Variants in RPTOR observed in about 807,000 individuals in gnomAD.
RPTOR encodes the protein regulatory associated protein of MTOR complex 1.
A neutral mutation model predicts 169.9 loss-of-function variants in RPTOR; 21 were observed. The observed-to-expected ratio is 0.12, with a 90% CI of 0.09 to 0.18. RPTOR has a LOEUF of 0.18. Among genes scored for constraint, RPTOR ranks in the 10% least tolerant of loss-of-function variants. The pLI, the probability that RPTOR is intolerant of heterozygous loss-of-function variation, is 1.00. For missense variants in RPTOR, 1,133 were observed against 1,855.9 expected (o/e 0.61, Z 7.16); for synonymous variants, 732 against 753.2 (o/e 0.97, Z 0.46).
intron 25 of RPTOR, among the ~76,000 whole-genome samples, chr17:80,945,111 C>T (rs570126016): frequency 1.3e-5 from 2 of 151,272 alleles, no homozygotes; most frequent in East Asian, 3.9e-4. Flanking sequence ...CCGGGCAACA[C>T]AGTAAGACCC....
chr17:80,647,254 T>C (rs1330893654), intron 3 of RPTOR, among the ~76,000 whole-genome samples: 1 of 152,238 alleles, frequency 6.6e-6, no homozygotes, highest in Non-Finnish European at 1.5e-5. Context: ...AAATTTGTGT[T>C]CTGCCAGAGA....
intron 5 of RPTOR, among the ~76,000 whole-genome samples, chr17:80,749,841 T>C (rs1289351722): frequency 1.3e-5 from 2 of 151,040 alleles, no homozygotes; most frequent in Non-Finnish European, 3.0e-5. Context: ...GCCTCCTGAG[T>C]AGCTGGGACT....
At chr17:80,744,945 ACTAGCAGAGCCCTGGCTT>A (rs1388258510) in intron 5 of RPTOR, among the ~76,000 whole-genome samples, 4,247 of 149,856 alleles carry the variant, frequency 0.028, 404 homozygotes, top group African/African-American at 0.098. Context: ...AGCCCTGGTT[ACTAGCAGAGCCCTGGCTT>A]CTAGCAGAGC....
intron 3 of RPTOR, among the ~76,000 whole-genome samples, chr17:80,685,144 A>G (rs559958432): frequency 1.3e-4 from 20 of 151,914 alleles, no homozygotes; most frequent in African/African-American, 4.6e-4. Flanking sequence ...CCTCATTCGG[A>G]GTCGCCCCTC....
intron 3 of RPTOR, among the ~76,000 whole-genome samples, chr17:80,685,614 TATATATATATATA>T (rs1341736350): frequency 4.6e-5 from 1 of 21,566 alleles, no homozygotes; most frequent in Admixed American, 4.6e-4. Context: ...TATATATATA[TATATATATATATA>T]TTTTTTTTTT....
Position 80,692,140 on chromosome 17 carries a change from C to T in RPTOR, c.349-15701C>T, listed in dbSNP as rs551241434. On this transcript the variant is annotated intron_variant, in intron 3 of 33. Transcript: ENST00000306801. ...TTTATTTATTTATTTTTGAGACAGGCTCTCACTGTGGCCCAGGCTGGAGTA... is the reference window on the plus strand; with the variant it reads ...TTTATTTATTTATTTTTGAGACAGGTTCTCACTGTGGCCCAGGCTGGAGTA... Among the ~76,000 whole-genome samples, 166 of 152,286 alleles carry T rather than the reference C, an allele frequency of 1.1e-3. 1 individual carries two copies. The highest frequency in any genetic ancestry group is 2.0e-3 in the Non-Finnish European group (133 of 68,022).
intron 21 of RPTOR, among the ~76,000 whole-genome samples, chr17:80,921,409 G>A (rs1458463169): frequency 6.6e-6 from 1 of 152,136 alleles, no homozygotes. Context: ...AACCCAGCGG[G>A]ACCCGCATTC....
chr17:80,749,614 C>T (rs1380408813), intron 5 of RPTOR, among the ~76,000 whole-genome samples: 14 of 152,126 alleles, frequency 9.2e-5, no homozygotes, highest in Non-Finnish European at 1.8e-4. Flanking sequence ...TGTTTGGAGG[C>T]TGTGGCGGGA....
intron 7 of RPTOR, among the ~76,000 whole-genome samples, chr17:80,813,550 C>G (rs2067294113): frequency 6.6e-6 from 1 of 152,196 alleles, no homozygotes; most frequent in Admixed American, 6.5e-5. Context: ...CTCCAGCCCC[C>G]ACTGTGGAGA....
chr17:80,709,631 G>A (rs1284617925), intron 4 of RPTOR, among the ~76,000 whole-genome samples: 2 of 152,158 alleles, frequency 1.3e-5, no homozygotes, highest in African/African-American at 4.8e-5. Flanking sequence ...CATTGGGCTG[G>A]TTCCCATCTT....
chr17:80,687,675 T>G (rs35459747), intron 3 of RPTOR, among the ~76,000 whole-genome samples: 1 of 152,038 alleles, frequency 6.6e-6, no homozygotes, highest in Admixed American at 6.5e-5. Context: ...ACGGAATGGT[T>G]GTCATCGGCT....
At chr17:80,920,695 G>A (rs1598401690) in intron 21 of RPTOR, among the ~76,000 whole-genome samples, 1 of 152,234 alleles carries the variant, frequency 6.6e-6, no homozygotes, top group African/African-American at 2.4e-5. Context: ...GCCCAGCAGC[G>A]CCTGAGCCTT....
intron 3 of RPTOR, among the ~76,000 whole-genome samples, chr17:80,662,551 A>G (rs566940362): frequency 6.6e-6 from 1 of 152,200 alleles, no homozygotes; most frequent in Admixed American, 6.5e-5. Flanking sequence ...GTGGGGCCAC[A>G]GGATGGGTCC....
At chr17:80,620,243 C>T (rs1486452008) in intron 1 of RPTOR, among the ~76,000 whole-genome samples, 2 of 152,242 alleles carry the variant, frequency 1.3e-5, no homozygotes, top group South Asian at 2.1e-4. Context: ...GGGGATATAA[C>T]GATGTCATCT....
At chr17:80,901,396 G>A (rs1435042591) in intron 20 of RPTOR, among the ~76,000 whole-genome samples, 1 of 151,732 alleles carries the variant, frequency 6.6e-6, no homozygotes, top group African/African-American at 2.4e-5. Context: ...TTTTTTACTG[G>A]AGAAAACTGA....
At chr17:80,598,809 C>T (rs769486267) in intron 1 of RPTOR, among the ~76,000 whole-genome samples, 31 of 152,208 alleles carry the variant, frequency 2.0e-4, no homozygotes, top group Non-Finnish European at 4.3e-4. Flanking sequence ...CTCAGTAAAA[C>T]AGCTTATACA....
rs192922331 is a variant in RPTOR, at chr17:80,618,230, G to T, written c.163-7461G>T. On this transcript the variant is annotated intron_variant, in intron 1 of 33. Transcript: ENST00000306801. ...TCAAACTCCTGACCTCAGGTGATCC[G>T]CCAGGCTTGGCCTCCCAAAGTGCTG... 2.8e-4 allele frequency among the ~76,000 whole-genome samples: 42 copies of T among 152,274 alleles called. 1 individual carries two copies. Among genetic ancestry groups the T allele is most frequent in the Non-Finnish European group, 4.0e-4 (27 of 68,020 alleles).
At position 80,651,308 on chromosome 17, in the gene RPTOR, G is replaced by A. The variant is rs1235071332; in HGVS notation, c.348+7498G>A. Reference sequence around the variant, plus strand: ...TCGCCATATGCAACTAGGAAGAGTTGTAAAATCCTGCTCCAGCCAAATTGG... The same window carrying A: ...TCGCCATATGCAACTAGGAAGAGTTATAAAATCCTGCTCCAGCCAAATTGG... On this transcript the variant is annotated intron_variant, in intron 3 of 33. Transcript: ENST00000306801. The surrounding 1 kb of genome is among the most constrained non-coding windows in gnomAD (Gnocchi z 4.1). 6.6e-6 allele frequency among the ~76,000 whole-genome samples: 1 copy of A among 152,192 alleles called. No homozygotes were observed. The highest frequency in any genetic ancestry group is 1.5e-5 in the Non-Finnish European group (1 of 68,028).
rs1268917394 is a variant in RPTOR at position 80,947,426 on chromosome 17, A to G, written c.3265+75A>G. The G allele has an allele frequency of 2.8e-6, 4 of 1,449,434 alleles. No individual in the cohort carries two copies. The highest frequency in any genetic ancestry group is 3.0e-5 in the South Asian group (2 of 65,750). 89.8% of individuals were successfully genotyped at this position (1,449,434 alleles called of 1,614,324 possible). A position where few individuals can be genotyped will look rare whatever the true frequency, so the allele number is the denominator to read the frequency against. ...GGCGGGGAGGGTGTGTGATCCTGAG[A>G]TGTGTTTGTACATCTGTCTTACAGA... On this transcript the variant is annotated intron_variant, in intron 27 of 33. Coordinates refer to ENST00000306801, the MANE Select transcript of RPTOR (RefSeq NM_020761.3). The surrounding 1 kb of genome is among the most constrained non-coding windows in gnomAD (Gnocchi z 4.4).
Sources: allele counts gnomAD v4.1 joint callset (sites outside exome capture counted in the v4.1 genomes callset), GRCh38; gene constraint gnomAD v4.1.1; non-coding constraint Gnocchi (gnomAD v3.1); transcripts MANE v1.5; gene names NCBI Gene and HGNC (gene_info 2026-07-23, HGNC 2026-07-21).